Variants in NRXN3 observed in about 807,000 individuals in gnomAD.
NRXN3 encodes neurexin 3.
In NRXN3, 32 loss-of-function variants were observed where a neutral mutation model predicts 137.6. That is an observed-to-expected ratio of 0.23 (90% confidence interval 0.18 to 0.31). The LOEUF is 0.31. NRXN3 is among the 10% of genes least tolerant of loss of function. NRXN3 has a pLI of 1.00. For missense variants in NRXN3, 1,574 were observed against 2,062.5 expected, an observed-to-expected ratio of 0.76 and a Z score of 4.59; for synonymous variants, 798 against 784.5, an observed-to-expected ratio of 1.02 and a Z score of -0.29.
At chr14:79,802,729 AGG>A (rs2099186657) in intron 19 of NRXN3, among the ~76,000 whole-genome samples, 1 of 152,300 alleles carries the variant, frequency 6.6e-6, no homozygotes, top group South Asian at 2.1e-4. Context: ...GAGCTATTAT[AGG>A]GCCCCCTCTC....
intron 15 of NRXN3, chr14:79,298,812 C>T (rs1482041205): frequency 1.3e-5 from 2 of 152,118 alleles, no homozygotes; most frequent in Admixed American, 6.5e-5. Context: ...AGGGGGATTT[C>T]CTTGAGGAGG....
At chr14:79,584,309 C>T (rs546275888) in intron 16 of NRXN3, among the ~76,000 whole-genome samples, 88 of 152,262 alleles carry the variant, frequency 5.8e-4, no homozygotes, top group Non-Finnish European at 8.8e-4. Context: ...TTATGTCAAT[C>T]CCAAACTCGA....
intron 15 of NRXN3, among the ~76,000 whole-genome samples, chr14:79,061,343 G>A (rs1313376643): frequency 6.6e-6 from 1 of 152,192 alleles, no homozygotes; most frequent in East Asian, 1.9e-4. Flanking sequence ...ACAGAGATCT[G>A]ATGGAATCAG....
intron 16 of NRXN3, among the ~76,000 whole-genome samples, chr14:79,508,436 T>A (rs1378591385): frequency 1.6e-5 from 2 of 124,222 alleles, no homozygotes; most frequent in East Asian, 5.2e-4. Context: ...CTTGCCCAGG[T>A]TGGAGTGCAG....
chr14:78,562,048 C>T (rs1352205772), intron 4 of NRXN3, among the ~76,000 whole-genome samples: 1 of 152,154 alleles, frequency 6.6e-6, no homozygotes, highest in African/African-American at 2.4e-5. Flanking sequence ...TCTCTCTCTA[C>T]CCTCTTGAAT....
chr14:78,963,575 T>C (rs1433709625), intron 11 of NRXN3, among the ~76,000 whole-genome samples: 1 of 152,212 alleles, frequency 6.6e-6, no homozygotes, highest in East Asian at 1.9e-4. Context: ...TGTTGCTTTG[T>C]ATTTTCACAG....
chr14:79,392,894 C>T (rs750901245), intron 15 of NRXN3, among the ~76,000 whole-genome samples: 3 of 141,390 alleles, frequency 2.1e-5, no homozygotes, highest in Non-Finnish European at 4.5e-5. Context: ...TGCTTGAACC[C>T]AAGAGGCAGA....
At chr14:79,254,135 C>T (rs759733930) in intron 15 of NRXN3, among the ~76,000 whole-genome samples, 3 of 152,020 alleles carry the variant, frequency 2.0e-5, no homozygotes, top group Non-Finnish European at 2.9e-5. Flanking sequence ...AATATGTGCC[C>T]CCATAACACT....
chr14:78,249,367 G>C (rs2068228130), intron 2 of NRXN3, among the ~76,000 whole-genome samples: 1 of 152,232 alleles, frequency 6.6e-6, no homozygotes, highest in Non-Finnish European at 1.5e-5. Flanking sequence ...ACCGATGCCG[G>C]GGGCTAATTA....
At chr14:78,719,434 A>AGC (rs1567141603) in intron 8 of NRXN3, among the ~76,000 whole-genome samples, 1 of 151,098 alleles carries the variant, frequency 6.6e-6, no homozygotes, top group Non-Finnish European at 1.5e-5. Flanking sequence ...CAGCAGCAGC[A>AGC]AAAGCAAATG....
At chr14:78,876,733 T>C (rs967225405) in intron 10 of NRXN3, among the ~76,000 whole-genome samples, 3 of 152,226 alleles carry the variant, frequency 2.0e-5, no homozygotes, top group Non-Finnish European at 1.5e-5. Context: ...ATTCTGAACC[T>C]AGTGTTTCTC....
chr14:79,552,917 C>T (rs1470445353), intron 16 of NRXN3, among the ~76,000 whole-genome samples: 2 of 152,130 alleles, frequency 1.3e-5, no homozygotes, highest in Admixed American at 1.3e-4. Flanking sequence ...CTTATCTCTC[C>T]TGCATCAGAG....
intron 15 of NRXN3, among the ~76,000 whole-genome samples, chr14:79,091,857 A>G (rs2049265037): frequency 6.6e-6 from 1 of 152,148 alleles, no homozygotes; most frequent in Non-Finnish European, 1.5e-5. Flanking sequence ...GGACAAAAAA[A>G]AAATCCATGT....
Position 78,645,248 on chromosome 14 carries a change from A to T in NRXN3, c.886A>T (p.Ile296Phe). ...SFKTWQRNGLILHTGKSADYV... is the reference protein window; with the variant it reads ...SFKTWQRNGLFLHTGKSADYV... ...TAAGACCTGGCAGCGTAACGGCCTC[A>T]TCCTGCACACGGGCAAGTCGGCTGA... The change falls in exon 5 of 21, where the codon ATC becomes TTC. Residue 296 changes from isoleucine (I) to phenylalanine (F), a missense_variant. Ile to Phe is a conservative substitution (Grantham distance 21, BLOSUM62 0). This residue lies in a region of NRXN3 where 400 missense variants were observed against 527.3 expected (regional missense o/e 0.76). Coordinates refer to ENST00000335750, the MANE Select transcript of NRXN3 (RefSeq NM_001330195.2). The T allele has an allele frequency of 6.3e-7, 1 of 1,598,868 alleles. No individual in the cohort carries two copies. Among genetic ancestry groups the T allele is most frequent in the Non-Finnish European group, 8.5e-7 (1 of 1,179,804 alleles).
intron 4 of NRXN3, among the ~76,000 whole-genome samples, chr14:78,301,141 T>C (rs2076835274): frequency 1.8e-5 from 2 of 112,804 alleles, no homozygotes; most frequent in Admixed American, 1.9e-4. Flanking sequence ...TGAAATTTTA[T>C]TTAATGTGGA....
At chr14:78,917,963 A>AAAAAAAAT (rs1412330206) in intron 10 of NRXN3, among the ~76,000 whole-genome samples, 2 of 143,954 alleles carry the variant, frequency 1.4e-5, no homozygotes, top group Non-Finnish European at 3.0e-5. Context: ...TTGCAAAAAT[A>AAAAAAAAT]AAAAAAATAA....
intron 15 of NRXN3, among the ~76,000 whole-genome samples, chr14:79,235,004 A>AT (rs1352620636): frequency 6.6e-6 from 1 of 152,052 alleles, no homozygotes; most frequent in Non-Finnish European, 1.5e-5. Flanking sequence ...TTAAAATACT[A>AT]TTTTAAATAA....
At chr14:79,126,300 T>C (rs1018462833) in intron 15 of NRXN3, among the ~76,000 whole-genome samples, 2 of 151,962 alleles carry the variant, frequency 1.3e-5, no homozygotes, top group African/African-American at 2.4e-5. Context: ...GCATTAGGTA[T>C]ATCTCCCAAT....
intron 8 of NRXN3, among the ~76,000 whole-genome samples, chr14:78,720,713 G>T (rs1321415396): frequency 6.6e-6 from 1 of 152,122 alleles, no homozygotes; most frequent in Non-Finnish European, 1.5e-5. Context: ...ATAGCATGTA[G>T]TATATGATTA....
Sources: allele counts gnomAD v4.1 joint callset (sites outside exome capture counted in the v4.1 genomes callset), GRCh38; gene constraint gnomAD v4.1.1; regional missense constraint gnomAD v4.1.1; transcripts MANE v1.5; gene names NCBI Gene and HGNC (gene_info 2026-07-23, HGNC 2026-07-21).